The following PAX2 variants were observed in gnomAD, a reference collection of about 807,000 sequenced individuals.
PAX2 encodes paired box protein Pax-2.
A neutral mutation model predicts 41.7 loss-of-function variants in PAX2; 9 were observed. The observed-to-expected ratio is 0.22, with a 90% CI of 0.13 to 0.38. The LOEUF (loss-of-function observed/expected upper bound fraction) is 0.38, where lower values mean the gene tolerates loss of function less well. Ranked by LOEUF, PAX2 falls within the 10% of genes least tolerant of loss-of-function variation. The pLI is 1.00. For missense variants in PAX2, 418 were observed against 531.6 expected, an observed-to-expected ratio of 0.79 and a Z score of 2.10; for synonymous variants, 221 against 212.7, an observed-to-expected ratio of 1.04 and a Z score of -0.34.
intron 3 of PAX2, among the ~76,000 whole-genome samples, chr10:100,764,136 A>ATTTTTTT (rs145391942): frequency 5.8e-5 from 6 of 103,758 alleles, no homozygotes; most frequent in East Asian, 2.8e-4. Flanking sequence ...CAAACATTGA[A>ATTTTTTT]TTTTTTTTTT....
chr10:100,759,840 G>A (rs749720876), intron 3 of PAX2, among the ~76,000 whole-genome samples: 2 of 152,174 alleles, frequency 1.3e-5, no homozygotes, highest in Non-Finnish European at 2.9e-5. Context: ...TGAGCACTGG[G>A]GGCTGCTCTC....
rs919460495 is a variant in PAX2, at chr10:100,827,305, C to A, written c.1108+210C>A. Among the ~76,000 whole-genome samples the A allele has an allele frequency of 6.6e-6, 1 of 152,200 alleles. No individual in the cohort carries two copies. The highest frequency in any genetic ancestry group is 2.4e-5 in the African/African-American group (1 of 41,466). On this transcript the variant is annotated intron_variant, in intron 9 of 9. Transcript: ENST00000355243. This position sits in a 1 kb window ranked among gnomAD's most constrained non-coding sequence, Gnocchi z 8.5. ...TGGTCGCTCGAAGGCTCTGCGCCGC[C>A]CTCGCCCTCGGATCCCCTGGAGGGT...
chr10:100,819,709 C>A (rs1848317500), intron 7 of PAX2, among the ~76,000 whole-genome samples: 1 of 152,196 alleles, frequency 6.6e-6, no homozygotes, highest in Non-Finnish European at 1.5e-5. Flanking sequence ...GTAGTCCTGG[C>A]CCAAGTAGAA....
intron 7 of PAX2, 136 bp downstream of exon 7, chr10:100,809,372 G>C: frequency 1.1e-6 from 1 of 892,814 alleles, no homozygotes; most frequent in South Asian, 1.5e-5. Context: ...TAAAACCAGG[G>C]TGCTTCCTGA....
chr10:100,779,613 C>A (rs746022143), intron 4 of PAX2, 30 bp downstream of exon 4: 9 of 1,497,344 alleles, frequency 6.0e-6, no homozygotes, highest in Non-Finnish European at 7.3e-6. Context: ...GGGAGGAAAC[C>A]AGATCCCACC....
intron 7 of PAX2, among the ~76,000 whole-genome samples, chr10:100,822,996 A>C (rs759575977): frequency 1.2e-4 from 18 of 152,202 alleles, no homozygotes; most frequent in Non-Finnish European, 2.1e-4. Context: ...GGAGGGGAAG[A>C]ATGTGGAGTC....
At chr10:100,759,298 C>T (rs1845753796) in intron 3 of PAX2, among the ~76,000 whole-genome samples, 1 of 152,056 alleles carries the variant, frequency 6.6e-6, no homozygotes, top group Non-Finnish European at 1.5e-5. Flanking sequence ...GAGTATGGAG[C>T]GAAGGAAATG....
chr10:100,786,185 G>A (rs1471967212), intron 5 of PAX2, among the ~76,000 whole-genome samples: 3 of 152,226 alleles, frequency 2.0e-5, no homozygotes, highest in Admixed American at 2.0e-4. Context: ...GCTGGGATTA[G>A]CTAACCCGGA....
At chr10:100,740,391 C>A (rs992856614) in intron 1 of PAX2, among the ~76,000 whole-genome samples, 1 of 152,046 alleles carries the variant, frequency 6.6e-6, no homozygotes, top group South Asian at 2.1e-4. Context: ...GAGGGAAGAA[C>A]GATAAACCTG....
At chr10:100,766,652 G>T (rs1190135750) in intron 3 of PAX2, among the ~76,000 whole-genome samples, 1 of 152,252 alleles carries the variant, frequency 6.6e-6, no homozygotes, top group Non-Finnish European at 1.5e-5. Flanking sequence ...GAATAGAATC[G>T]TATTTTTGGT....
At chr10:100,806,662 C>T in intron 6 of PAX2, 57 bp downstream of exon 6, 1 of 1,513,330 alleles carries the variant, frequency 6.6e-7, no homozygotes, top group Non-Finnish European at 9.1e-7. Context: ...AGCAAGGCCT[C>T]TCAAAAACTT....
At chr10:100,811,868 A>G (rs1036600549) in intron 7 of PAX2, among the ~76,000 whole-genome samples, 86 of 152,188 alleles carry the variant, frequency 5.7e-4, no homozygotes, top group African/African-American at 2.0e-3. Flanking sequence ...CTTCCCCAGG[A>G]CTGACAGCTG....
intron 5 of PAX2, among the ~76,000 whole-genome samples, chr10:100,797,663 T>C (rs1360136943): frequency 6.6e-6 from 1 of 152,216 alleles, no homozygotes; most frequent in Non-Finnish European, 1.5e-5. Flanking sequence ...ATTAGTACTA[T>C]TTCTACAATA....
upstream of PAX2, among the ~76,000 whole-genome samples, chr10:100,740,618 G>A (rs1844919855): frequency 6.6e-6 from 1 of 152,198 alleles, no homozygotes. Flanking sequence ...AAATGTCTGG[G>A]TTTGCAAAAT....
chr10:100,745,218 C>G (rs937027371), upstream of PAX2, among the ~76,000 whole-genome samples: 1 of 152,184 alleles, frequency 6.6e-6, no homozygotes, highest in East Asian at 1.9e-4. Context: ...TTAGACTGAC[C>G]GCTCTTTATC....
At chr10:100,779,452 T>G (rs776956884) in intron 3 of PAX2, 46 bp from the exon 4 acceptor site, 1 of 1,480,366 alleles carries the variant, frequency 6.8e-7, no homozygotes, top group South Asian at 1.2e-5. Flanking sequence ...TTGGCCGGGA[T>G]AGGAGTGGGC....
chr10:100,808,052 C>A (rs1847856703), intron 6 of PAX2, among the ~76,000 whole-genome samples: 1 of 152,194 alleles, frequency 6.6e-6, no homozygotes. Flanking sequence ...CAATGAATAA[C>A]CTTTATTTAC....
chr10:100,768,734 C>T (rs1443313462), intron 3 of PAX2, among the ~76,000 whole-genome samples: 1 of 152,280 alleles, frequency 6.6e-6, no homozygotes, highest in East Asian at 1.9e-4. Context: ...AAGCCTGGAT[C>T]CAATGTCGGG....
In PAX2 at chr10:100,748,460, G is replaced by T. The variant is rs1028351050; in HGVS notation, c.44-1286G>T. The T allele has an allele frequency of 4.1e-6, 4 of 985,180 alleles. No homozygotes were observed. Among genetic ancestry groups the T allele is most frequent in the Middle Eastern group, 5.2e-4 (1 of 1,914 alleles). 61.0% of individuals were successfully genotyped at this position (985,180 alleles called of 1,614,324 possible). A position where few individuals can be genotyped will look rare whatever the true frequency, so the allele number is the denominator to read the frequency against. On this transcript the variant is annotated intron_variant, in intron 1 of 9. Transcript: ENST00000355243. The surrounding 1 kb of genome is among the most constrained non-coding windows in gnomAD (Gnocchi z 5.0). ...AAGGGAGGGGAGAGAAATGAGGGGG[G>T]CACAGATGTCCCCGCTTTCTCCGAA...
Sources: allele counts gnomAD v4.1 joint callset (sites outside exome capture counted in the v4.1 genomes callset), GRCh38; gene constraint gnomAD v4.1.1; non-coding constraint Gnocchi (gnomAD v3.1); transcripts MANE v1.5; gene names NCBI Gene and HGNC (gene_info 2026-07-23, HGNC 2026-07-21).